DISP3: variants seen among roughly 807,000 people sequenced by gnomAD.
The protein encoded by DISP3 is protein dispatched homolog 3.
A neutral mutation model predicts 135.3 loss-of-function variants in DISP3; 101 were observed. The ratio of observed to expected loss-of-function variants is 0.75; its 90% CI spans 0.64 to 0.88. The LOEUF (loss-of-function observed/expected upper bound fraction) is 0.88. Among genes scored for constraint, DISP3 ranks in the 40% least tolerant of loss-of-function variants. The pLI is 0.00. For synonymous variants in DISP3, 856 were observed against 817.0 expected (o/e 1.05, Z -0.81); for missense variants, 1,713 against 1,878.6 (o/e 0.91, Z 1.63).
intron 10 of DISP3, among the ~76,000 whole-genome samples, chr1:11,521,987 C>CT (rs1642208761): frequency 6.6e-6 from 1 of 152,098 alleles, no homozygotes; most frequent in South Asian, 2.1e-4. Flanking sequence ...GCTGGTGGTG[C>CT]TGGGACCAGC....
chr1:11,526,562 G>A (rs968274529), intron 12 of DISP3, 89 bp from the exon 13 acceptor site: 15 of 1,414,518 alleles, frequency 1.1e-5, no homozygotes, highest in African/African-American at 5.6e-5. Context: ...GAACTATGCC[G>A]AGGAGGGAGG....
intron 3 of DISP3, among the ~76,000 whole-genome samples, chr1:11,510,702 T>G (rs1432906071): frequency 6.6e-6 from 1 of 152,186 alleles, no homozygotes; most frequent in East Asian, 1.9e-4. Context: ...CCGAGCACAG[T>G]GGCTAACACC....
chr1:11,529,462 C>T lies in DISP3; in HGVS notation c.2799-94C>T. The T allele has an allele frequency of 7.0e-7, 1 of 1,427,116 alleles. No homozygotes were observed. Among genetic ancestry groups the T allele is most frequent in the Non-Finnish European group, 9.5e-7 (1 of 1,055,286 alleles). The allele number at this position is 1,427,116 out of a possible 1,614,324, so 88.4% of individuals were successfully genotyped here. A position where few individuals can be genotyped will look rare whatever the true frequency, so the allele number is the denominator to read the frequency against. On this transcript the variant is annotated intron_variant, in intron 13 of 20. Coordinates refer to ENST00000294484, the MANE Select transcript of DISP3 (RefSeq NM_020780.2). This position sits in a 1 kb window ranked among gnomAD's most constrained non-coding sequence, Gnocchi z 4.7. The stretch of plus-strand genomic sequence containing the variant: ...AGCCCGAGTCCAGACCCCATGACAC[C>T]CCAGCCCCAGTCCCAACCCTGGCCT...
At position 11,531,069 on chromosome 1, in the gene DISP3, AG is replaced by A; in HGVS notation, c.3229+38del. 1.2e-6 allele frequency: 2 copies of A among 1,609,560 alleles called. No individual in the cohort carries two copies. The highest frequency in any genetic ancestry group is 1.7e-6 in the Non-Finnish European group (2 of 1,179,254). On this transcript the variant is annotated intron_variant, in intron 16 of 20. Transcript: ENST00000294484. This position sits in a 1 kb window ranked among gnomAD's most constrained non-coding sequence, Gnocchi z 5.2. Reference sequence around the variant, plus strand: ...TGTGGGGAGCTGGTTCCTCCGAGGGAGGATGGACTGACTGGGGAGGCACAGA... The same window carrying A: ...TGTGGGGAGCTGGTTCCTCCGAGGGAGATGGACTGACTGGGGAGGCACAGA...
chr1:11,530,614 G>A (rs945236135), intron 15 of DISP3, among the ~76,000 whole-genome samples: 2 of 152,064 alleles, frequency 1.3e-5, no homozygotes, highest in Non-Finnish European at 2.9e-5. Context: ...GTGGCTGTCT[G>A]GGAGGGTGGG....
Position 11,501,983 on chromosome 1 carries a change from T to G in DISP3, c.991T>G (p.Ser331Ala), listed in dbSNP as rs1349502410. 1.9e-6 allele frequency: 3 copies of G among 1,613,788 alleles called. No individual in the cohort carries two copies. Among genetic ancestry groups the G allele is most frequent in the African/African-American group, 1.3e-5 (1 of 75,040 alleles). ...VLKDLPLGSYSYCSPPSSLMT... is the reference protein window; with the variant it reads ...VLKDLPLGSYAYCSPPSSLMT... ...CAAGGATCTGCCGCTGGGCTCCTAC[T>G]CCTACTGCTCGCCCCCCAGCTCGCT... The change falls in exon 2 of 21, where the codon TCC becomes GCC. Residue 331 changes from serine to alanine, a missense_variant. Ser to Ala is a moderately conservative substitution (Grantham distance 99). Transcript: ENST00000294484. The surrounding 1 kb of genome is among the most constrained non-coding windows in gnomAD (Gnocchi z 4.9).
intron 1 of DISP3, among the ~76,000 whole-genome samples, chr1:11,489,466 T>C (rs1368446963): frequency 6.6e-6 from 1 of 152,216 alleles, no homozygotes; most frequent in Non-Finnish European, 1.5e-5. Context: ...TATTCAGCTG[T>C]TCTTGCCACT....
chr1:11,511,008 A>G (rs765149359), intron 3 of DISP3, among the ~76,000 whole-genome samples: 3 of 152,170 alleles, frequency 2.0e-5, no homozygotes, highest in Non-Finnish European at 4.4e-5. Flanking sequence ...ATCATATCTC[A>G]TGAGACTTAT....
In DISP3 at chr1:11,534,433, G is replaced by C. The variant is rs1438033546; in HGVS notation, c.3428G>C (p.Trp1143Ser). The C allele has an allele frequency of 6.2e-7, 1 of 1,614,218 alleles. No individual in the cohort carries two copies. Among genetic ancestry groups the C allele is most frequent in the South Asian group, 1.1e-5 (1 of 91,088 alleles). Residue 1143 changes from tryptophan (W) to serine (S), a missense_variant, in exon 18 of 21, where the codon TGG (tryptophan) becomes TCG (serine). Trp to Ser is a radical substitution (Grantham distance 177). This residue lies in a region of DISP3 where 1,142 missense variants were observed against 1,384.6 expected (regional missense o/e 0.82). Transcript: ENST00000294484. Reference protein sequence around the residue: ...SFQTYSDYLRWESFLQQQLQA... With the variant: ...SFQTYSDYLRSESFLQQQLQA... ...CAGACCTACTCGGACTACCTGCGCT[G>C]GGAGAGCTTCCTCCAGCAGCAGCTG...
In DISP3 at chr1:11,480,756, C is replaced by T. The variant is rs1640880188; in HGVS notation, c.-4+1384C>T. Among the ~76,000 whole-genome samples the T allele has an allele frequency of 2.0e-5, 3 of 151,404 alleles. No individual in the cohort carries two copies. The South Asian group carries it at 6.3e-4, about 32-fold the overall frequency. ...GCGAAGCATGGGGATTTAGAGCAAACACCCCCTCCCCACCTCCTACTACTA... is the reference window on the plus strand; with the variant it reads ...GCGAAGCATGGGGATTTAGAGCAAATACCCCCTCCCCACCTCCTACTACTA... On this transcript the variant is annotated intron_variant, in intron 1 of 20. Coordinates refer to ENST00000294484, the MANE Select transcript of DISP3 (RefSeq NM_020780.2).
At position 11,531,486 on chromosome 1, in the gene DISP3, T is replaced by C. The variant is rs1404475800; in HGVS notation, c.3230-79T>C. Reference sequence around the variant, plus strand: ...ACTCTAAGCCTCAGAGGTATGTGAGTGCGTGGGCACAGGTGTGATGCAGGG... The same window carrying C: ...ACTCTAAGCCTCAGAGGTATGTGAGCGCGTGGGCACAGGTGTGATGCAGGG... On this transcript the variant is annotated intron_variant, in intron 16 of 20. Coordinates refer to ENST00000294484, the MANE Select transcript of DISP3 (RefSeq NM_020780.2). This position sits in a 1 kb window ranked among gnomAD's most constrained non-coding sequence, Gnocchi z 5.2. 7.5e-6 allele frequency: 12 copies of C among 1,592,234 alleles called. No individual in the cohort carries two copies. Among genetic ancestry groups the C allele is most frequent in the Non-Finnish European group, 1.0e-5 (12 of 1,162,716 alleles).
rs187739313 is a variant in DISP3, at chr1:11,495,706, G to A, written c.-3-5284G>A. On this transcript the variant is annotated intron_variant, in intron 1 of 20. Coordinates refer to ENST00000294484, the MANE Select transcript of DISP3 (RefSeq NM_020780.2). ...ATTAGCTACTTCCTGCTCATTGAAC[G>A]ATCCCTCTCCCCATCTCAGGGGAAT... 2.8e-3 allele frequency among the ~76,000 whole-genome samples: 433 copies of A among 152,278 alleles called. 1 individual carries two copies. Among genetic ancestry groups the A allele is most frequent in the African/African-American group, 0.01 (421 of 41,562 alleles).
rs190572228 is a variant in DISP3 at position 11,529,035 on chromosome 1, G to C, written c.2799-521G>C. ...CATCAGTGGGCCAGGGGTCAGGCAG[G>C]CTGCCTGGATGAGCTGGAAACATTC... On this transcript the variant is annotated intron_variant, in intron 13 of 20. Coordinates refer to ENST00000294484, the MANE Select transcript of DISP3 (RefSeq NM_020780.2). This position sits in a 1 kb window ranked among gnomAD's most constrained non-coding sequence, Gnocchi z 4.7. 1.8e-4 allele frequency among the ~76,000 whole-genome samples: 27 copies of C among 152,318 alleles called. No individual in the cohort carries two copies. The highest frequency in any genetic ancestry group is 2.8e-4 in the Non-Finnish European group (19 of 68,012).
In DISP3 at chr1:11,531,560, C is replaced by T. The variant is rs369217941; in HGVS notation, c.3230-5C>T. On this transcript the variant is annotated splice_polypyrimidine_tract_variant and splice_region_variant and intron_variant, in intron 16 of 20. Coordinates refer to ENST00000294484, the MANE Select transcript of DISP3 (RefSeq NM_020780.2). This position sits in a 1 kb window ranked among gnomAD's most constrained non-coding sequence, Gnocchi z 5.2. ...ACGCACTCCCTTTCTTGCCTCTCCC[C>T]GCAGGCTACAGCATCTCCTCCTTCC... 5.4e-5 allele frequency: 87 copies of T among 1,613,226 alleles called. No homozygotes were observed. Among genetic ancestry groups the T allele is most frequent in the Middle Eastern group, 1.7e-4 (1 of 6,026 alleles).
At chr1:11,485,901 A>G (rs996877426) in intron 1 of DISP3, among the ~76,000 whole-genome samples, 38 of 152,282 alleles carry the variant, frequency 2.5e-4, no homozygotes, top group African/African-American at 8.9e-4. Context: ...ACAAGGACTG[A>G]GCCCCACACT....
At chr1:11,486,698 T>C (rs1641045122) in intron 1 of DISP3, among the ~76,000 whole-genome samples, 1 of 152,158 alleles carries the variant, frequency 6.6e-6, no homozygotes, top group African/African-American at 2.4e-5. Flanking sequence ...TTTTTTTTTT[T>C]TAAGATAAGC....
At chr1:11,490,926 A>G (rs915777955) in intron 1 of DISP3, among the ~76,000 whole-genome samples, 2 of 152,116 alleles carry the variant, frequency 1.3e-5, no homozygotes, top group Non-Finnish European at 2.9e-5. Context: ...GTCCCCTTTT[A>G]AGGGGCCTGG....
At position 11,533,253 on chromosome 1, in the gene DISP3, CTTTTTTTT is replaced by C. The variant is rs70983563; in HGVS notation, c.3376-1113_3376-1106del. ...GGTGTTTGTCCTTTGGTGACTGTTT[CTTTTTTTT>C]TTTTTTTTTTTTTTAATGGAGTTTC... On this transcript the variant is annotated intron_variant, in intron 17 of 20. Transcript: ENST00000294484. 2.9e-4 allele frequency among the ~76,000 whole-genome samples: 30 copies of C among 103,986 alleles called. 1 individual carries two copies. Among genetic ancestry groups the C allele is most frequent in the African/African-American group, 4.6e-4 (13 of 28,060 alleles). 68.2% of individuals were successfully genotyped at this position (103,986 alleles called of 152,430 possible). A position where few individuals can be genotyped will look rare whatever the true frequency, so the allele number is the denominator to read the frequency against.
intron 3 of DISP3, among the ~76,000 whole-genome samples, chr1:11,510,880 T>A (rs2745268): frequency 0.85 from 129,620 of 152,246 alleles, 55,276 homozygotes; most frequent in Admixed American, 0.88. Context: ...AATTGGACTT[T>A]CAGTTCCACA....
Sources: allele counts gnomAD v4.1 joint callset (sites outside exome capture counted in the v4.1 genomes callset), GRCh38; gene constraint gnomAD v4.1.1; regional missense constraint gnomAD v4.1.1; non-coding constraint Gnocchi (gnomAD v3.1); transcripts MANE v1.5; gene names NCBI Gene and HGNC (gene_info 2026-07-23, HGNC 2026-07-21).